The following TACC2 variants were observed in gnomAD, a reference collection of about 807,000 sequenced individuals.
TACC2 encodes the protein transforming acidic coiled-coil containing protein 2, also known as transforming acidic coiled-coil-containing protein 2.
In TACC2, 137 loss-of-function variants were observed where a neutral mutation model predicts 227.3. The ratio of observed to expected loss-of-function variants is 0.60; its 90% CI spans 0.52 to 0.69. The LOEUF (loss-of-function observed/expected upper bound fraction) is 0.69. TACC2 is among the 30% of genes least tolerant of loss of function. The pLI, the probability that TACC2 is intolerant of heterozygous loss-of-function variation, is 0.00. For synonymous variants in TACC2, 1,523 were observed against 1,487.5 expected, an observed-to-expected ratio of 1.02 and a Z score of -0.55; for missense variants, 3,470 against 3,694.4, an observed-to-expected ratio of 0.94 and a Z score of 1.57.
At chr10:122,133,737 C>T (rs2138894676) in intron 6 of TACC2, among the ~76,000 whole-genome samples, 1 of 152,302 alleles carries the variant, frequency 6.6e-6, no homozygotes, top group African/African-American at 2.4e-5. Flanking sequence ...ATCTGAATTC[C>T]TGCAGTCACC....
chr10:122,002,661 T>C (rs1006482777), intron 1 of TACC2, among the ~76,000 whole-genome samples: 1 of 152,236 alleles, frequency 6.6e-6, no homozygotes, highest in African/African-American at 2.4e-5. Context: ...CGTTTTTCTG[T>C]GGAAATAGGT....
intron 1 of TACC2, among the ~76,000 whole-genome samples, chr10:122,011,978 C>G (rs925941923): frequency 1.3e-5 from 2 of 151,800 alleles, no homozygotes; most frequent in African/African-American, 2.4e-5. Flanking sequence ...CACTTTGTCA[C>G]CTAGGCTGGA....
At chr10:122,003,724 G>A (rs1450293691) in intron 1 of TACC2, among the ~76,000 whole-genome samples, 1 of 151,668 alleles carries the variant, frequency 6.6e-6, no homozygotes, top group East Asian at 2.0e-4. Flanking sequence ...GGCGCGATCT[G>A]GGCTCACTGC....
At position 122,050,625 on chromosome 10, in the gene TACC2, G is replaced by T; in HGVS notation, c.146+75G>T. The T allele has an allele frequency of 1.6e-6, 2 of 1,235,656 alleles. No homozygotes were observed. The highest frequency in any genetic ancestry group is 2.3e-6 in the Non-Finnish European group (2 of 855,920). 76.5% of individuals were successfully genotyped at this position (1,235,656 alleles called of 1,614,324 possible). On this transcript the variant is annotated intron_variant, in intron 3 of 22. Transcript: ENST00000369005. The surrounding 1 kb of genome is among the most constrained non-coding windows in gnomAD (Gnocchi z 4.6). Reference sequence around the variant, plus strand: ...CATTGCCTGCTCCAGCATTAGCTTTGCCCCATTTGCTTTGGAAACTGGACC... The same window carrying T: ...CATTGCCTGCTCCAGCATTAGCTTTTCCCCATTTGCTTTGGAAACTGGACC...
At chr10:122,181,458 C>A (rs1224651242) in intron 7 of TACC2, among the ~76,000 whole-genome samples, 1 of 152,126 alleles carries the variant, frequency 6.6e-6, no homozygotes, top group African/African-American at 2.4e-5. Flanking sequence ...CTTCTAAGTG[C>A]CTGGGATTGT....
In TACC2 at chr10:122,143,670, C is replaced by A. The variant is rs191364618; in HGVS notation, c.5798C>A (p.Thr1933Asn). ...APAGDRVEAS[T>N]PSCPDPAKDL... Reference sequence around the variant, plus strand: ...GCTGGTGACAGAGTAGAAGCTTCCACTCCCTCCTGCCCAGATCCGGCCAAG... The same window carrying A: ...GCTGGTGACAGAGTAGAAGCTTCCAATCCCTCCTGCCCAGATCCGGCCAAG... The change falls in exon 7 of 23, where the codon ACT (threonine) becomes AAT (asparagine). Residue 1933 changes from threonine (T) to asparagine (N), a missense_variant. Thr to Asn is a moderately conservative substitution (Grantham distance 65). Around this residue, in one of 10 missense-constraint regions of TACC2, gnomAD observed 1,924 missense variants for 1,978.3 expected, o/e 0.97. Coordinates refer to ENST00000369005, the MANE Select transcript of TACC2 (RefSeq NM_206862.4). 1.2e-5 allele frequency: 20 copies of A among 1,614,200 alleles called. No homozygotes were observed. The East Asian group carries it at 4.5e-4, about 36-fold the overall frequency.
intron 5 of TACC2, among the ~76,000 whole-genome samples, chr10:122,129,059 TAA>T (rs2087488942): frequency 1.7e-5 from 1 of 58,586 alleles, no homozygotes; most frequent in African/African-American, 4.0e-5. Context: ...TATCTTATTT[TAA>T]TTATTATTAT....
rs538112247 is a variant in TACC2 at position 122,047,788 on chromosome 10, C to A, written c.34-2650C>A. ...GGAAAGATACTGGCCCAGTGCCTGG[C>A]ATTAGTAAGTGCTCAATAACAGGAG... On this transcript the variant is annotated intron_variant, in intron 2 of 22. Coordinates refer to ENST00000369005, the MANE Select transcript of TACC2 (RefSeq NM_206862.4). 7.9e-5 allele frequency among the ~76,000 whole-genome samples: 12 copies of A among 152,318 alleles called. No homozygotes were observed. In the East Asian group the frequency reaches 2.3e-3, roughly 29 times the overall value.
chr10:122,022,035 C>T (rs1957398218), intron 2 of TACC2, 21 bp downstream of exon 2: 1 of 1,613,986 alleles, frequency 6.2e-7, no homozygotes, highest in Non-Finnish European at 8.5e-7. Context: ...GGAAGCTTCT[C>T]TCTCGAGCTA....
At chr10:121,999,558 G>A (rs751400368) in intron 1 of TACC2, among the ~76,000 whole-genome samples, 2 of 152,310 alleles carry the variant, frequency 1.3e-5, no homozygotes, top group East Asian at 3.9e-4. Context: ...CTGTTTGCAG[G>A]GCCTGGTGGA....
chr10:122,073,341 T>G (rs1361128537), intron 3 of TACC2, among the ~76,000 whole-genome samples: 2 of 151,846 alleles, frequency 1.3e-5, no homozygotes, highest in African/African-American at 2.4e-5. Flanking sequence ...TGGGAAGGTT[T>G]GAGAACTCCA....
chr10:122,230,343 G>C lies in TACC2; in HGVS notation c.8038-8G>C. On this transcript the variant is annotated splice_polypyrimidine_tract_variant and splice_region_variant and intron_variant, in intron 15 of 22. Transcript: ENST00000369005. ...TCCCTGCGGTTTGCCCACACTCCCT[G>C]TGGGCAGGAGGAGTTAGAGTTTGCC... The C allele has an allele frequency of 6.2e-7, 1 of 1,613,658 alleles. No individual in the cohort carries two copies. The highest frequency in any genetic ancestry group is 2.2e-5 in the East Asian group (1 of 44,866).
At position 122,015,859 on chromosome 10, in the gene TACC2, T is replaced by G. The variant is rs181830003; in HGVS notation, c.-45-6078T>G. Among the ~76,000 whole-genome samples, 12 of 152,098 alleles carry G rather than the reference T, an allele frequency of 7.9e-5. No homozygotes were observed. The East Asian group carries it at 2.3e-3, about 29-fold the overall frequency. ...CCCTCCCAGCAAACATCCTTTCCTC[T>G]TCCTTCATCACAGCTTCTCTGTTCC... On this transcript the variant is annotated intron_variant, in intron 1 of 22. Coordinates refer to ENST00000369005, the MANE Select transcript of TACC2 (RefSeq NM_206862.4).
Position 122,211,138 on chromosome 10 carries a change from C to A in TACC2, c.6713C>A (p.Thr2238Lys). 4 of 1,608,842 alleles carry A rather than the reference C, an allele frequency of 2.5e-6. No homozygotes were observed. Among genetic ancestry groups the A allele is most frequent in the Non-Finnish European group, 3.4e-6 (4 of 1,177,884 alleles). ...PVGRKTLPLTTAPEAGEVTPS... is the reference protein window; with the variant it reads ...PVGRKTLPLTKAPEAGEVTPS... ...GGGAGGAAAACGCTGCCTCTTACCA[C>A]GGCCCCGGAGGCAGGGGAGGTAACC... Residue 2238 changes from threonine (T) to lysine (K), a missense_variant, in exon 9 of 23, where the codon ACG (threonine) becomes AAG (lysine). Physicochemically the swap from Thr to Lys is moderately conservative, Grantham distance 78. Coordinates refer to ENST00000369005, the MANE Select transcript of TACC2 (RefSeq NM_206862.4).
At chr10:122,172,537 G>A (rs917697784) in intron 7 of TACC2, among the ~76,000 whole-genome samples, 3 of 152,226 alleles carry the variant, frequency 2.0e-5, no homozygotes, top group East Asian at 1.9e-4. Flanking sequence ...AAAGGGAGGC[G>A]CCTACAGTGG....
intron 10 of TACC2, 57 bp downstream of exon 10, chr10:122,215,508 C>A: frequency 7.0e-7 from 1 of 1,428,000 alleles, no homozygotes; most frequent in Non-Finnish European, 9.9e-7. Context: ...AGGTTTTCTT[C>A]GCTTGTTGAC....
intron 7 of TACC2, among the ~76,000 whole-genome samples, chr10:122,174,016 G>A (rs578066040): frequency 1.1e-4 from 17 of 152,270 alleles, no homozygotes; most frequent in Non-Finnish European, 2.1e-4. Context: ...TCTTCTGCCC[G>A]CCTCCTCTCT....
chr10:122,005,821 GTAGCTGGGACTC>G (rs1394210882), intron 1 of TACC2, among the ~76,000 whole-genome samples: 3 of 151,538 alleles, frequency 2.0e-5, no homozygotes, highest in African/African-American at 7.3e-5. Flanking sequence ...AGCCTCCAGA[GTAGCTGGGACTC>G]TAGTTGTGCA....
chr10:122,168,686 T>C (rs964082347), intron 7 of TACC2, among the ~76,000 whole-genome samples: 5 of 152,242 alleles, frequency 3.3e-5, no homozygotes, highest in Admixed American at 1.3e-4. Context: ...TGGATACTGA[T>C]TGAGTGTGGC....
Sources: allele counts gnomAD v4.1 joint callset (sites outside exome capture counted in the v4.1 genomes callset), GRCh38; gene constraint gnomAD v4.1.1; regional missense constraint gnomAD v4.1.1; non-coding constraint Gnocchi (gnomAD v3.1); transcripts MANE v1.5; gene names NCBI Gene and HGNC (gene_info 2026-07-23, HGNC 2026-07-21).